The following ADGRL3 variants were observed in gnomAD, a reference collection of about 807,000 sequenced individuals.
ADGRL3 encodes calcium-independent alpha-latrotoxin receptor 3.
A neutral mutation model predicts 153.5 loss-of-function variants in ADGRL3; 62 were observed. That is an observed-to-expected ratio of 0.40 (90% confidence interval 0.33 to 0.50). The LOEUF (loss-of-function observed/expected upper bound fraction) is 0.50. Among genes scored for constraint, ADGRL3 ranks in the 20% least tolerant of loss-of-function variants. The pLI, the probability that ADGRL3 is intolerant of heterozygous loss-of-function variation, is 0.47. For synonymous variants in ADGRL3, 710 were observed against 672.5 expected, an observed-to-expected ratio of 1.06 and a Z score of -0.86; for missense variants, 1,641 against 1,859.4, an observed-to-expected ratio of 0.88 and a Z score of 2.16.
rs529985131 is a variant in ADGRL3, at chr4:61,812,009, C to T, written c.1400-1800C>T. 5.9e-5 allele frequency among the ~76,000 whole-genome samples: 9 copies of T among 152,018 alleles called. No homozygotes were observed. In the South Asian group the frequency reaches 1.5e-3, roughly 24 times the overall value. On this transcript the variant is annotated intron_variant, in intron 8 of 26. Transcript: ENST00000683033. ...ATACGATATTACGATATTGTAGTTA[C>T]GATATTTACAAGATCTACAAAGTTT...
At chr4:62,011,065 G>C (rs1461140563) in intron 21 of ADGRL3, among the ~76,000 whole-genome samples, 1 of 151,982 alleles carries the variant, frequency 6.6e-6, no homozygotes, top group Non-Finnish European at 1.5e-5. Flanking sequence ...TTTTAGCGTA[G>C]TTTCAGCTCC....
At chr4:61,394,861 C>A (rs2152056947) in intron 2 of ADGRL3, among the ~76,000 whole-genome samples, 1 of 152,086 alleles carries the variant, frequency 6.6e-6, no homozygotes, top group South Asian at 2.1e-4. Context: ...GGCTTTGCTG[C>A]CAAAATTCTG....
intron 20 of ADGRL3, among the ~76,000 whole-genome samples, chr4:61,997,481 C>T (rs2099125678): frequency 6.6e-6 from 1 of 151,630 alleles, no homozygotes; most frequent in African/African-American, 2.4e-5. Flanking sequence ...GCTTTTATTG[C>T]CAAGTTGTGG....
chr4:61,509,734 G>A (rs1163774365), intron 3 of ADGRL3, among the ~76,000 whole-genome samples: 3 of 152,068 alleles, frequency 2.0e-5, no homozygotes, highest in Non-Finnish European at 4.4e-5. Context: ...ATATACAAAT[G>A]CATATGTCTT....
At chr4:61,512,756 T>G (rs2152880309) in intron 3 of ADGRL3, among the ~76,000 whole-genome samples, 1 of 152,106 alleles carries the variant, frequency 6.6e-6, no homozygotes, top group East Asian at 1.9e-4. Flanking sequence ...GTGGTGAGAT[T>G]TGGAAAGCCT....
chr4:62,061,589 T>C (rs947867065), intron 25 of ADGRL3, among the ~76,000 whole-genome samples: 1 of 152,058 alleles, frequency 6.6e-6, no homozygotes, highest in Non-Finnish European at 1.5e-5. Context: ...CATGTTGTCC[T>C]TTCATGACAA....
chr4:61,950,857 G>T (rs1483859704), intron 17 of ADGRL3, among the ~76,000 whole-genome samples: 1 of 152,144 alleles, frequency 6.6e-6, no homozygotes, highest in Non-Finnish European at 1.5e-5. Context: ...GTTTCAGCAT[G>T]GGGGCTTACA....
In ADGRL3 at chr4:61,608,836, G is replaced by C. The variant is rs148195434; in HGVS notation, c.473+21396G>C. Among the ~76,000 whole-genome samples the C allele has an allele frequency of 4.6e-3, 695 of 152,266 alleles. 13 individuals carry two copies. Among genetic ancestry groups the C allele is most frequent in the Non-Finnish European group, 2.2e-3 (148 of 67,998 alleles). ...CTTAGAACTATAACGGATATTGATA[G>C]TGACATTCAGTCATCTCAGTCAAAT... On this transcript the variant is annotated intron_variant, in intron 5 of 26. Coordinates refer to ENST00000683033, the MANE Select transcript of ADGRL3 (RefSeq NM_001387552.1).
At chr4:62,034,794 T>C (rs1211560082) in intron 23 of ADGRL3, among the ~76,000 whole-genome samples, 1 of 151,896 alleles carries the variant, frequency 6.6e-6, no homozygotes, top group Non-Finnish European at 1.5e-5. Flanking sequence ...GTGTAAACAG[T>C]TTTCCACTGG....
Position 62,006,003 on chromosome 4 carries a change from C to CACACACATAT in ADGRL3, c.3395+7739_3395+7740insCACACATATA, listed in dbSNP as rs1230956055. On this transcript the variant is annotated intron_variant, in intron 21 of 26. Coordinates refer to ENST00000683033, the MANE Select transcript of ADGRL3 (RefSeq NM_001387552.1). ...ACACACACACACACACACACACACA[C>CACACACATAT]ATATATATATATATATATATATATA... Among the ~76,000 whole-genome samples, 29 of 48,984 alleles carry CACACACATAT rather than the reference C, an allele frequency of 5.9e-4. No homozygotes were observed. The East Asian group carries it at 0.012, about 20-fold the overall frequency. The allele number at this position is 48,984 out of a possible 152,430, so 32.1% of individuals were successfully genotyped here.
intron 4 of ADGRL3, among the ~76,000 whole-genome samples, chr4:61,532,541 C>T (rs1281315420): frequency 5.1e-5 from 3 of 58,824 alleles, no homozygotes; most frequent in African/African-American, 1.1e-4. Context: ...TGCGCGCGCG[C>T]GCGCGCGCGC....
chr4:61,224,686 G>T (rs1044356306), intron 1 of ADGRL3, among the ~76,000 whole-genome samples: 1 of 152,170 alleles, frequency 6.6e-6, no homozygotes, highest in Non-Finnish European at 1.5e-5. Flanking sequence ...TGAATTCTCT[G>T]TGAACTTGGT....
At chr4:61,327,863 G>A (rs2095495568) in intron 1 of ADGRL3, among the ~76,000 whole-genome samples, 1 of 152,018 alleles carries the variant, frequency 6.6e-6, no homozygotes, top group African/African-American at 2.4e-5. Flanking sequence ...CCATGATGAT[G>A]TTCAGTAGTT....
At chr4:61,573,141 G>T (rs1459329889) in intron 4 of ADGRL3, among the ~76,000 whole-genome samples, 2 of 151,952 alleles carry the variant, frequency 1.3e-5, no homozygotes, top group African/African-American at 4.8e-5. Flanking sequence ...GTAAGGTATT[G>T]CTATCCAGCA....
At chr4:61,394,403 T>C (rs2096846639) in intron 2 of ADGRL3, among the ~76,000 whole-genome samples, 1 of 152,034 alleles carries the variant, frequency 6.6e-6, no homozygotes, top group African/African-American at 2.4e-5. Flanking sequence ...GCTACAGTAT[T>C]CTTTGAACTG....
Position 61,388,207 on chromosome 4 carries a change from A to G in ADGRL3, c.-174+5018A>G, listed in dbSNP as rs116000715. On this transcript the variant is annotated intron_variant, in intron 2 of 26. Transcript: ENST00000683033. ...ATAGAGGACCTTGGGCATGGTATCT[A>G]TCCTCTCTTTGCTTCACTTTCCTCA... Among the ~76,000 whole-genome samples, 497 of 152,258 alleles carry G rather than the reference A, an allele frequency of 3.3e-3. 5 individuals carry two copies. The highest frequency in any genetic ancestry group is 0.011 in the African/African-American group (438 of 41,558).
At chr4:62,007,027 G>T (rs1419427045) in intron 21 of ADGRL3, among the ~76,000 whole-genome samples, 1 of 151,982 alleles carries the variant, frequency 6.6e-6, no homozygotes, top group Non-Finnish European at 1.5e-5. Context: ...TCCTCAGAAT[G>T]CTGGCTGTTG....
At chr4:61,694,179 ATTTTTTTTTTTTTTTTTTTTT>A (rs554084495) in intron 6 of ADGRL3, among the ~76,000 whole-genome samples, 7 of 26,672 alleles carry the variant, frequency 2.6e-4, no homozygotes, top group African/African-American at 6.0e-4. Flanking sequence ...TTTTGTCATT[ATTTTTTTTTTTTTTTTTTTTT>A]TTTTTTTTTT....
At chr4:61,537,977 C>A (rs942959771) in intron 4 of ADGRL3, among the ~76,000 whole-genome samples, 7 of 151,960 alleles carry the variant, frequency 4.6e-5, no homozygotes, top group Non-Finnish European at 8.8e-5. Flanking sequence ...TCAGAATTTT[C>A]ATTTTGGTGA....
Sources: allele counts gnomAD v4.1 joint callset (sites outside exome capture counted in the v4.1 genomes callset), GRCh38; gene constraint gnomAD v4.1.1; transcripts MANE v1.5; gene names NCBI Gene and HGNC (gene_info 2026-07-23, HGNC 2026-07-21).